The following CSMD1 variants were observed in gnomAD, a reference collection of about 807,000 sequenced individuals.
CSMD1 encodes CUB and sushi domain-containing protein 1.
In CSMD1, 213 loss-of-function variants were observed where a neutral mutation model predicts 417.5. That is an observed-to-expected ratio of 0.51 (90% CI 0.46 to 0.57). CSMD1 has a LOEUF of 0.57. Among genes scored for constraint, CSMD1 ranks in the 20% least tolerant of loss-of-function variants. The probability of loss-of-function intolerance (pLI) is 0.00; values close to 1 mark genes in which losing one functional copy is unlikely to be tolerated. For synonymous variants in CSMD1, 2,862 were observed against 1,736.8 expected, an observed-to-expected ratio of 1.65 and a Z score of -16.11; for missense variants, 6,923 against 4,529.7, an observed-to-expected ratio of 1.53 and a Z score of -15.17.
chr8:3,021,826 C>T (rs1357659769), intron 51 of CSMD1, among the ~76,000 whole-genome samples: 5 of 151,214 alleles, frequency 3.3e-5, no homozygotes, highest in Non-Finnish European at 7.4e-5. Flanking sequence ...CCCACAGCAT[C>T]CGGAATGCAC....
At chr8:4,275,435 G>A (rs557841835) in intron 3 of CSMD1, among the ~76,000 whole-genome samples, 4 of 152,072 alleles carry the variant, frequency 2.6e-5, no homozygotes, top group African/African-American at 4.8e-5. Context: ...TTGTGTGCAT[G>A]ATACTATGGC....
chr8:3,414,757 T>C (rs1387674040), intron 12 of CSMD1, among the ~76,000 whole-genome samples: 2 of 152,196 alleles, frequency 1.3e-5, no homozygotes, highest in Non-Finnish European at 1.5e-5. Context: ...ACAATTTCTT[T>C]TAGTGCCTGA....
At chr8:4,319,278 G>C (rs770197961) in intron 3 of CSMD1, among the ~76,000 whole-genome samples, 14 of 152,006 alleles carry the variant, frequency 9.2e-5, no homozygotes, top group Admixed American at 4.6e-4. Flanking sequence ...TCTTAGTAAT[G>C]TCCTTTCCTT....
At chr8:4,855,988 G>T (rs1801776764) in intron 1 of CSMD1, among the ~76,000 whole-genome samples, 1 of 151,456 alleles carries the variant, frequency 6.6e-6, no homozygotes, top group African/African-American at 2.4e-5. Flanking sequence ...TGAAATGAAG[G>T]AAAAAATGTT....
chr8:4,989,522 A>C (rs1338096790), intron 1 of CSMD1, among the ~76,000 whole-genome samples: 1 of 152,216 alleles, frequency 6.6e-6, no homozygotes, highest in Non-Finnish European at 1.5e-5. Context: ...CTTAAATTAA[A>C]AAAGAAGACA....
In CSMD1 at chr8:3,428,158, T is replaced by C. The variant is rs550519587; in HGVS notation, c.1562-18553A>G. 7.8e-4 allele frequency among the ~76,000 whole-genome samples: 119 copies of C among 152,322 alleles called. 2 individuals are homozygous for C. In the South Asian group the frequency reaches 0.011, roughly 14 times the overall value. ...ATTATTATATAGGTTTTAGAAGTTCTAATTTCAACTATATGGTTGGGGACC... is the reference window on the plus strand; with the variant it reads ...ATTATTATATAGGTTTTAGAAGTTCCAATTTCAACTATATGGTTGGGGACC... On this transcript the variant is annotated intron_variant, in intron 12 of 69. Coordinates refer to ENST00000635120, the MANE Select transcript of CSMD1 (RefSeq NM_033225.6).
At chr8:4,793,962 G>A (rs971496058) in intron 1 of CSMD1, among the ~76,000 whole-genome samples, 1 of 152,072 alleles carries the variant, frequency 6.6e-6, no homozygotes, top group Non-Finnish European at 1.5e-5. Context: ...ACTTCTGTTA[G>A]GAATAGTTAA....
intron 7 of CSMD1, among the ~76,000 whole-genome samples, chr8:3,705,768 T>G (rs180808284): frequency 1.9e-4 from 29 of 152,226 alleles, no homozygotes; most frequent in African/African-American, 7.0e-4. Flanking sequence ...CTCTAGAATC[T>G]CAAGAACTGT....
intron 2 of CSMD1, among the ~76,000 whole-genome samples, chr8:4,430,549 T>A (rs1010019416): frequency 2.6e-5 from 4 of 152,166 alleles, no homozygotes; most frequent in African/African-American, 9.7e-5. Context: ...TACTCTCTAA[T>A]AAAAGTTACT....
At chr8:4,326,843 T>C (rs1171384465) in intron 3 of CSMD1, among the ~76,000 whole-genome samples, 2 of 150,256 alleles carry the variant, frequency 1.3e-5, no homozygotes, top group Admixed American at 6.6e-5. Flanking sequence ...AAAAAAAAGG[T>C]CACAGGTGAA....
intron 3 of CSMD1, among the ~76,000 whole-genome samples, chr8:4,079,749 A>C (rs1020099751): frequency 7.9e-5 from 12 of 152,276 alleles, no homozygotes; most frequent in Non-Finnish European, 1.5e-4. Flanking sequence ...GTAGTGATGA[A>C]AAATAGTTTA....
intron 6 of CSMD1, among the ~76,000 whole-genome samples, chr8:3,710,303 TA>T (rs1369569815): frequency 2.0e-5 from 3 of 152,126 alleles, no homozygotes; most frequent in Non-Finnish European, 4.4e-5. Context: ...AATCTATCTA[TA>T]CACACTCAGG....
At chr8:4,941,779 T>G (rs1808019955) in intron 1 of CSMD1, among the ~76,000 whole-genome samples, 1 of 152,058 alleles carries the variant, frequency 6.6e-6, no homozygotes, top group Admixed American at 6.6e-5. Context: ...TCAATTCTTT[T>G]GTAGGGACAG....
chr8:3,896,736 C>G (rs1807397884), intron 5 of CSMD1, among the ~76,000 whole-genome samples: 2 of 151,866 alleles, frequency 1.3e-5, no homozygotes, highest in Non-Finnish European at 2.9e-5. Flanking sequence ...GGTCTCGATC[C>G]TGAATATGTT....
chr8:3,310,343 T>A (rs185588807), intron 23 of CSMD1, among the ~76,000 whole-genome samples: 1 of 152,340 alleles, frequency 6.6e-6, no homozygotes, highest in East Asian at 1.9e-4. Flanking sequence ...GTAGTGTTAC[T>A]GGGTTTGCGG....
At chr8:3,724,274 T>C (rs945852891) in intron 6 of CSMD1, among the ~76,000 whole-genome samples, 4 of 152,096 alleles carry the variant, frequency 2.6e-5, no homozygotes, top group African/African-American at 9.7e-5. Context: ...TGTATACATG[T>C]GCCATGCTGG....
chr8:4,644,685 A>C (rs565526420), intron 1 of CSMD1, among the ~76,000 whole-genome samples: 63 of 152,350 alleles, frequency 4.1e-4, no homozygotes, highest in African/African-American at 1.5e-3. Flanking sequence ...CTGGAATTAC[A>C]GGTGTGAGCC....
intron 2 of CSMD1, among the ~76,000 whole-genome samples, chr8:4,492,449 A>T (rs1200289577): frequency 6.6e-6 from 1 of 152,214 alleles, no homozygotes; most frequent in Non-Finnish European, 1.5e-5. Context: ...TATATTTTAC[A>T]TCACAAGTAA....
intron 5 of CSMD1, among the ~76,000 whole-genome samples, chr8:3,919,218 A>G (rs1435638320): frequency 6.7e-6 from 1 of 148,632 alleles, no homozygotes; most frequent in Non-Finnish European, 1.5e-5. Context: ...AAAGAAAGAA[A>G]TCATTGTCAA....
Sources: allele counts gnomAD v4.1 joint callset (sites outside exome capture counted in the v4.1 genomes callset), GRCh38; gene constraint gnomAD v4.1.1; transcripts MANE v1.5; gene names NCBI Gene and HGNC (gene_info 2026-07-23, HGNC 2026-07-21).